RORB: variants seen among roughly 807,000 people sequenced by gnomAD.
RORB encodes nuclear receptor ROR-beta.
Under a neutral mutation model 59.1 loss-of-function variants are expected in RORB, and 6 were observed. The ratio of observed to expected loss-of-function variants is 0.10; its 90% confidence interval spans 0.06 to 0.20. The LOEUF (loss-of-function observed/expected upper bound fraction) is 0.20, where lower values mean the gene tolerates loss of function less well. Among genes scored for constraint, RORB ranks in the 10% least tolerant of loss-of-function variants. The probability of loss-of-function intolerance (pLI) is 1.00; values close to 1 mark genes in which losing one functional copy is unlikely to be tolerated. For synonymous variants in RORB, 215 were observed against 204.5 expected, an observed-to-expected ratio of 1.05 and a Z score of -0.44; for missense variants, 320 against 560.5, an observed-to-expected ratio of 0.57 and a Z score of 4.33.
chr9:74,548,642 T>C (rs1204295605), intron 1 of RORB, among the ~76,000 whole-genome samples: 1 of 152,186 alleles, frequency 6.6e-6, no homozygotes, highest in East Asian at 1.9e-4. Flanking sequence ...CTCCCTAGAG[T>C]GGCTCGGTGC....
chr9:74,646,951 T>C (rs887274998), intron 4 of RORB, among the ~76,000 whole-genome samples: 23 of 152,262 alleles, frequency 1.5e-4, no homozygotes, highest in African/African-American at 5.3e-4. Context: ...TCAGGAATGT[T>C]TTATTCCCCT....
At chr9:74,677,241 A>G (rs1467829799) in intron 9 of RORB, among the ~76,000 whole-genome samples, 1 of 152,218 alleles carries the variant, frequency 6.6e-6, no homozygotes, top group Non-Finnish European at 1.5e-5. Flanking sequence ...AGGCTCAGGA[A>G]GACGAGAAAG....
intron 4 of RORB, among the ~76,000 whole-genome samples, chr9:74,654,345 AGAGAG>A (rs1824045151): frequency 1.1e-5 from 1 of 90,656 alleles, no homozygotes; most frequent in Non-Finnish European, 2.2e-5. Context: ...AGAGAGAGAG[AGAGAG>A]AGAGAGAGAG....
chr9:74,654,457 T>C (rs1168497038), intron 4 of RORB, among the ~76,000 whole-genome samples: 1 of 152,100 alleles, frequency 6.6e-6, no homozygotes, highest in Non-Finnish European at 1.5e-5. Flanking sequence ...GCCCCAGGGT[T>C]CTATAATTAT....
chr9:74,642,370 A>G (rs1823822699), intron 3 of RORB, 44 bp from the exon 4 acceptor site: 1 of 1,554,640 alleles, frequency 6.4e-7, no homozygotes, highest in South Asian at 1.2e-5. Context: ...GTTAACGCGA[A>G]TGATAACCAC....
chr9:74,502,205 C>T (rs896820082), intron 1 of RORB, among the ~76,000 whole-genome samples: 1 of 151,996 alleles, frequency 6.6e-6, no homozygotes, highest in Non-Finnish European at 1.5e-5. Context: ...TGTTTCCAAG[C>T]CATGAAACCT....
chr9:74,546,722 T>C (rs939306431), intron 1 of RORB, among the ~76,000 whole-genome samples: 4 of 152,200 alleles, frequency 2.6e-5, no homozygotes, highest in Non-Finnish European at 4.4e-5. Context: ...TGTCGTTTAA[T>C]GCATGTAATC....
intron 1 of RORB, among the ~76,000 whole-genome samples, chr9:74,563,251 T>C (rs1822425514): frequency 6.9e-6 from 1 of 145,434 alleles, no homozygotes; most frequent in Non-Finnish European, 1.5e-5. Context: ...AGTAGCACAA[T>C]CTCGGCTCAC....
intron 1 of RORB, among the ~76,000 whole-genome samples, chr9:74,626,113 A>C (rs1360532858): frequency 6.6e-6 from 1 of 152,174 alleles, no homozygotes; most frequent in Non-Finnish European, 1.5e-5. Flanking sequence ...AGTTTTGTGC[A>C]AAGTTGTGGC....
chr9:74,526,703 T>C (rs1228437511), intron 1 of RORB, among the ~76,000 whole-genome samples: 1 of 151,966 alleles, frequency 6.6e-6, no homozygotes, highest in African/African-American at 2.4e-5. Context: ...GTTTTTAAAA[T>C]TGTGTAGTTA....
chr9:74,598,139 C>T (rs897797679), intron 1 of RORB, among the ~76,000 whole-genome samples: 1 of 152,060 alleles, frequency 6.6e-6, no homozygotes, highest in African/African-American at 2.4e-5. Flanking sequence ...CTGTGCTGAT[C>T]TGCAACTCGA....
chr9:74,513,795 T>C (rs1323020540), intron 1 of RORB, among the ~76,000 whole-genome samples: 1 of 152,134 alleles, frequency 6.6e-6, no homozygotes, highest in Non-Finnish European at 1.5e-5. Context: ...TTAGATTCCA[T>C]TGGTATATTT....
At chr9:74,598,732 G>T (rs1393413848) in intron 1 of RORB, among the ~76,000 whole-genome samples, 1 of 151,718 alleles carries the variant, frequency 6.6e-6, no homozygotes, top group Non-Finnish European at 1.5e-5. Flanking sequence ...CTAATTGACT[G>T]TCCTGTTTAG....
Position 74,551,864 on chromosome 9 carries a change from G to A in RORB, c.7+53881G>A, listed in dbSNP as rs575058556. Among the ~76,000 whole-genome samples, 26 of 152,076 alleles carry A rather than the reference G, an allele frequency of 1.7e-4. No homozygotes were observed. The East Asian group carries it at 4.6e-3, about 27-fold the overall frequency. ...ACTTTTTCACCCTTTTTTGTTGACTGGATCATACCAAAAATATGGTATCCA... is the reference window on the plus strand; with the variant it reads ...ACTTTTTCACCCTTTTTTGTTGACTAGATCATACCAAAAATATGGTATCCA... On this transcript the variant is annotated intron_variant, in intron 1 of 9. Transcript: ENST00000376896.
At chr9:74,583,854 G>A (rs776929280) in intron 1 of RORB, among the ~76,000 whole-genome samples, 1 of 152,202 alleles carries the variant, frequency 6.6e-6, no homozygotes, top group South Asian at 2.1e-4. Flanking sequence ...AGTAAAAGAT[G>A]TCTCTTCCCT....
chr9:74,572,863 T>A (rs926020686), intron 1 of RORB, among the ~76,000 whole-genome samples: 2 of 152,190 alleles, frequency 1.3e-5, no homozygotes, highest in African/African-American at 4.8e-5. Flanking sequence ...AATTTTCCCT[T>A]CGTGTGTGGC....
rs1393303311 is a variant in RORB at position 74,690,281 on chromosome 9, G to A, written c.*4663G>A. 1 of 152,238 alleles carries A rather than the reference G, an allele frequency of 6.6e-6. No individual in the cohort carries two copies. Among genetic ancestry groups the A allele is most frequent in the Admixed American group, 6.5e-5 (1 of 15,280 alleles). 9.4% of individuals were successfully genotyped at this position (152,238 alleles called of 1,614,324 possible). A position where few individuals can be genotyped will look rare whatever the true frequency, so the allele number is the denominator to read the frequency against. On this transcript the variant is annotated 3_prime_UTR_variant, in exon 10 of 10. Transcript: ENST00000376896. ...TATTCATTTTTGGGTCTCAGGACCA[G>A]AGGGTACAGGGTAGAGGGTAGTTTA...
At chr9:74,526,620 GA>G (rs748524075) in intron 1 of RORB, among the ~76,000 whole-genome samples, 2 of 151,956 alleles carry the variant, frequency 1.3e-5, no homozygotes, top group Non-Finnish European at 2.9e-5. Context: ...ATTTGTGCCA[GA>G]AACTTGAGGA....
chr9:74,669,287 T>G (rs1294906638), intron 8 of RORB, among the ~76,000 whole-genome samples: 1 of 152,214 alleles, frequency 6.6e-6, no homozygotes, highest in Non-Finnish European at 1.5e-5. Flanking sequence ...GAGAGCAGCC[T>G]GGCTAACATG....
Sources: gnomAD v4.1 joint callset for allele counts (sites outside exome capture counted in the v4.1 genomes callset) on GRCh38, gnomAD v4.1.1 for gene constraint, MANE v1.5 for transcripts, NCBI Gene and HGNC (gene_info 2026-07-23, HGNC 2026-07-21) for gene names.